The following RNF111 variants were observed in gnomAD, a reference collection of about 807,000 sequenced individuals.
RNF111 encodes the protein E3 ubiquitin-protein ligase Arkadia.
RNF111 carries 17 observed loss-of-function variants against 95.1 expected under a neutral mutation model. The ratio of observed to expected loss-of-function variants is 0.18; its 90% confidence interval spans 0.12 to 0.27. The LOEUF is 0.27. Among genes scored for constraint, RNF111 ranks in the 10% least tolerant of loss-of-function variants. RNF111 has a pLI of 1.00. For missense variants in RNF111, 1,189 were observed against 1,210.4 expected, an observed-to-expected ratio of 0.98 and a Z score of 0.26; for synonymous variants, 440 against 414.8, an observed-to-expected ratio of 1.06 and a Z score of -0.74.
intron 2 of RNF111, among the ~76,000 whole-genome samples, chr15:59,046,298 A>G (rs369292354): frequency 1.5e-4 from 22 of 150,350 alleles, no homozygotes; most frequent in African/African-American, 5.2e-4. Context: ...GGCTAAGGTG[A>G]TCCTCCCACG....
chr15:59,054,114 T>A (rs1197908903), intron 3 of RNF111, among the ~76,000 whole-genome samples: 3 of 152,108 alleles, frequency 2.0e-5, no homozygotes, highest in African/African-American at 7.2e-5. Flanking sequence ...TTTTTTTGTA[T>A]TTTTAGTAGA....
Position 59,095,017 on chromosome 15 carries a change from G to C in RNF111, c.*117G>C. 1.3e-6 allele frequency: 1 copy of C among 748,238 alleles called. No individual in the cohort carries two copies. 46.3% of individuals were successfully genotyped at this position (748,238 alleles called of 1,614,324 possible). ...TTGGAAGCATTGAACTTAGAGTGCTGGCTCTGCTATATGGTACAACTAATG... is the reference window on the plus strand; with the variant it reads ...TTGGAAGCATTGAACTTAGAGTGCTCGCTCTGCTATATGGTACAACTAATG... On this transcript the variant is annotated 3_prime_UTR_variant, in exon 14 of 14. Transcript: ENST00000348370.
At chr15:59,017,565 A>T (rs187973275) in intron 1 of RNF111, among the ~76,000 whole-genome samples, 25 of 152,310 alleles carry the variant, frequency 1.6e-4, no homozygotes, top group African/African-American at 6.0e-4. Context: ...CTTCAGTTCC[A>T]ATCTCCAAGG....
intron 1 of RNF111, among the ~76,000 whole-genome samples, chr15:59,009,121 C>T (rs1325588402): frequency 6.6e-6 from 1 of 151,956 alleles, no homozygotes; most frequent in African/African-American, 2.4e-5. Context: ...CCATGTCCAG[C>T]TAATTTTTTT....
rs1393652435 is a variant in RNF111 at position 59,067,178 on chromosome 15, C to T, written c.1686+95C>T. ...TCTCTCTCTTCCTCTTCCTTCATTC[C>T]TGTCTCTCTCCCTCCCTCCATTTCT... On this transcript the variant is annotated intron_variant, in intron 6 of 13. Transcript: ENST00000348370. The T allele has an allele frequency of 1.0e-5, 11 of 1,050,780 alleles. No individual in the cohort carries two copies. In the Admixed American group the frequency reaches 1.3e-4, roughly 12 times the overall value. 65.1% of individuals were successfully genotyped at this position (1,050,780 alleles called of 1,614,324 possible).
At chr15:59,065,509 G>A (rs1241412072) in intron 5 of RNF111, among the ~76,000 whole-genome samples, 2 of 152,164 alleles carry the variant, frequency 1.3e-5, no homozygotes, top group Admixed American at 6.6e-5. Context: ...TAGATGAAAA[G>A]GAGGTTAAAT....
chr15:58,992,379 C>A (rs2038858000), intron 1 of RNF111, among the ~76,000 whole-genome samples: 1 of 151,896 alleles, frequency 6.6e-6, no homozygotes, highest in Non-Finnish European at 1.5e-5. Flanking sequence ...CAGATAAAAA[C>A]CAAAAAATGT....
chr15:59,026,268 C>A (rs77671722), intron 1 of RNF111, among the ~76,000 whole-genome samples: 2,770 of 152,112 alleles, frequency 0.018, 53 homozygotes, highest in East Asian at 0.037. Flanking sequence ...AAATCCCAAC[C>A]CTAATTTTTA....
chr15:59,019,451 T>C (rs1208442886), intron 1 of RNF111, among the ~76,000 whole-genome samples: 4 of 152,208 alleles, frequency 2.6e-5, no homozygotes, highest in African/African-American at 9.7e-5. Context: ...GGAGCCAATT[T>C]GGAGTCCTTG....
chr15:59,052,344 C>G lies in RNF111; in HGVS notation c.920C>G (p.Ser307Cys), dbSNP rs888732237. Reference protein sequence around the residue: ...DEDVVVIEASSTPQVTANEEI... With the variant: ...DEDVVVIEASCTPQVTANEEI... Reference sequence around the variant, plus strand: ...GATGTTGTGGTGATAGAAGCTTCCTCCACTCCCCAGGTTACTGCCAATGAA... The same window carrying G: ...GATGTTGTGGTGATAGAAGCTTCCTGCACTCCCCAGGTTACTGCCAATGAA... The change falls in exon 3 of 14, where the codon TCC (serine) becomes TGC (cysteine). Residue 307 changes from serine (S) to cysteine (C), a missense_variant. This residue lies in a region of RNF111 where 1,024 missense variants were observed against 925.9 expected (regional missense o/e 1.11). Coordinates refer to ENST00000348370, the MANE Select transcript of RNF111 (RefSeq NM_017610.8). 6.2e-7 allele frequency: 1 copy of G among 1,603,234 alleles called. No homozygotes were observed. Among genetic ancestry groups the G allele is most frequent in the Non-Finnish European group, 8.5e-7 (1 of 1,175,614 alleles).
intron 1 of RNF111, among the ~76,000 whole-genome samples, chr15:58,994,548 G>A (rs1206319719): frequency 7.0e-6 from 1 of 143,700 alleles, no homozygotes; most frequent in Non-Finnish European, 1.5e-5. Flanking sequence ...TGTGATCTCG[G>A]CTCACTGTAA....
At chr15:59,067,381 T>G (rs936039682) in intron 6 of RNF111, among the ~76,000 whole-genome samples, 3 of 151,982 alleles carry the variant, frequency 2.0e-5, no homozygotes, top group African/African-American at 4.8e-5. Context: ...TCTTCCTGTT[T>G]TAGATGGCTG....
intron 1 of RNF111, among the ~76,000 whole-genome samples, chr15:59,002,466 C>T (rs1377304385): frequency 2.6e-5 from 4 of 151,532 alleles, no homozygotes; most frequent in Non-Finnish European, 5.9e-5. Context: ...ACGGGAAGTA[C>T]GGTTGAGTAA....
chr15:59,089,790 C>T, intron 11 of RNF111, 31 bp downstream of exon 11: 1 of 1,439,702 alleles, frequency 6.9e-7, no homozygotes, highest in South Asian at 1.1e-5. Flanking sequence ...ATATGTTTGT[C>T]ACAGTATCTT....
At chr15:59,064,440 G>T (rs1220149040) in intron 5 of RNF111, among the ~76,000 whole-genome samples, 2 of 150,502 alleles carry the variant, frequency 1.3e-5, no homozygotes, top group African/African-American at 4.9e-5. Flanking sequence ...GGAGGCTGAG[G>T]CAGGAGAATG....
rs71425836 is a variant in RNF111, at chr15:59,012,003, CTTTTTTTTTTTTTTTTT to C, written c.-19-18788_-19-18772del. ...TTAGTGTTCTTTTTTGTTTGTTTGC[CTTTTTTTTTTTTTTTTT>C]TTTTTTTTTTTTGAGATGGAGTCTC... On this transcript the variant is annotated intron_variant, in intron 1 of 13. Coordinates refer to ENST00000348370, the MANE Select transcript of RNF111 (RefSeq NM_017610.8). 4.8e-3 allele frequency among the ~76,000 whole-genome samples: 195 copies of C among 40,480 alleles called. 4 individuals are homozygous for C. Among genetic ancestry groups the C allele is most frequent in the Middle Eastern group, 0.029 (1 of 34 alleles). 26.6% of individuals were successfully genotyped at this position (40,480 alleles called of 152,430 possible).
intron 2 of RNF111, among the ~76,000 whole-genome samples, chr15:59,042,516 A>G (rs942337945): frequency 1.4e-4 from 22 of 152,136 alleles, no homozygotes; most frequent in African/African-American, 4.8e-4. Context: ...TACCACTCCA[A>G]AGTTCTAGCA....
chr15:58,992,894 G>C (rs1353630377), intron 1 of RNF111, among the ~76,000 whole-genome samples: 1 of 152,116 alleles, frequency 6.6e-6, no homozygotes, highest in African/African-American at 2.4e-5. Flanking sequence ...GGCTGGACAT[G>C]GTGGTGCACA....
intron 1 of RNF111, among the ~76,000 whole-genome samples, chr15:58,998,932 A>C (rs2039204729): frequency 6.6e-6 from 1 of 152,228 alleles, no homozygotes; most frequent in Non-Finnish European, 1.5e-5. Flanking sequence ...TGTCTGGGTG[A>C]AAGATCTATG....
Sources: gnomAD v4.1 joint callset for allele counts (sites outside exome capture counted in the v4.1 genomes callset) on GRCh38, gnomAD v4.1.1 for gene constraint, gnomAD v4.1.1 regional missense constraint, MANE v1.5 for transcripts, NCBI Gene and HGNC (gene_info 2026-07-23, HGNC 2026-07-21) for gene names.